ZNF736: variants seen among roughly 807,000 people sequenced by gnomAD.
The protein encoded by ZNF736 is KRAB-containing zinc-finger repressor protein.
A neutral mutation model predicts 11.7 loss-of-function variants in ZNF736; 6 were observed. The observed-to-expected ratio is 0.51, with a 90% CI of 0.28 to 1.01. The LOEUF (loss-of-function observed/expected upper bound fraction) is 1.01. Ranked by LOEUF, ZNF736 falls within the 50% of genes least tolerant of loss-of-function variation. The probability of loss-of-function intolerance (pLI) is 0.09; values close to 1 mark genes in which losing one functional copy is unlikely to be tolerated. For missense variants in ZNF736, 444 were observed against 496.0 expected (o/e 0.90, Z 1.00); for synonymous variants, 139 against 164.7 (o/e 0.84, Z 1.19).
At position 64,348,107 on chromosome 7, in the gene ZNF736, A is replaced by G. The variant is rs1789435557; in HGVS notation, c.244A>G (p.Thr82Ala). Reference sequence around the variant, plus strand: ...TTCTCCAGCTGGTTCTTTTCATTTTACTGCAGAGATATTGCCGGATCATGA... The same window carrying G: ...TTCTCCAGCTGGTTCTTTTCATTTTGCTGCAGAGATATTGCCGGATCATGA... The part of the protein sequence containing the change: ...AKHPAGSFHF[T>A]AEILPDHDIK... The change falls in exon 4 of 4, where the codon ACT (threonine) becomes GCT (alanine). Residue 82 changes from threonine to alanine, a missense_variant. Physicochemically the swap from Thr to Ala is moderately conservative, Grantham distance 58. Coordinates refer to ENST00000423484, the MANE Select transcript of ZNF736 (RefSeq NM_001170905.3). 1 of 1,516,762 alleles carries G rather than the reference A, an allele frequency of 6.6e-7. No homozygotes were observed. Among genetic ancestry groups the G allele is most frequent in the East Asian group, 2.5e-5 (1 of 40,694 alleles). The allele number at this position is 1,516,762 out of a possible 1,614,324, so 94.0% of individuals were successfully genotyped here. A position where few individuals can be genotyped will look rare whatever the true frequency, so the allele number is the denominator to read the frequency against.
At chr7:64,337,208 T>C in intron 3 of ZNF736, 1 of 527,842 alleles carries the variant, frequency 1.9e-6, no homozygotes, top group Non-Finnish European at 3.3e-6. Context: ...GTGTGTTGTG[T>C]GTGTGTTTTG....
At chr7:64,338,476 G>T (rs1789290674) in intron 3 of ZNF736, among the ~76,000 whole-genome samples, 1 of 152,064 alleles carries the variant, frequency 6.6e-6, no homozygotes, top group Non-Finnish European at 1.5e-5. Context: ...CTGAAAATTT[G>T]TACCATTTGA....
rs114956820 is a variant in ZNF736, at chr7:64,349,555, A to G, written c.*408A>G. 1.5e-3 allele frequency: 238 copies of G among 162,968 alleles called. No individual in the cohort carries two copies. The highest frequency in any genetic ancestry group is 5.2e-3 in the African/African-American group (218 of 41,624). 10.1% of individuals were successfully genotyped at this position (162,968 alleles called of 1,614,324 possible). A position where few individuals can be genotyped will look rare whatever the true frequency, so the allele number is the denominator to read the frequency against. ...GTGCTTTAATTTGGGTATTTAGCCC[A>G]TTTACATTTAAGGTTAGTATTCATA... On this transcript the variant is annotated 3_prime_UTR_variant, in exon 4 of 4. Coordinates refer to ENST00000423484, the MANE Select transcript of ZNF736 (RefSeq NM_001170905.3).
chr7:64,333,879 C>T (rs559598097), intron 1 of ZNF736, among the ~76,000 whole-genome samples: 76 of 152,318 alleles, frequency 5.0e-4, no homozygotes, highest in Non-Finnish European at 8.8e-4. Flanking sequence ...CATCACGCTA[C>T]CTGACTTGAA....
chr7:64,330,247 C>G (rs970471532), intron 1 of ZNF736, among the ~76,000 whole-genome samples: 2 of 152,058 alleles, frequency 1.3e-5, no homozygotes, highest in African/African-American at 4.8e-5. Flanking sequence ...AGCTCCGCCT[C>G]CCGGGTTCCC....
intron 1 of ZNF736, among the ~76,000 whole-genome samples, chr7:64,328,909 A>G (rs542586653): frequency 6.7e-6 from 1 of 148,336 alleles, no homozygotes; most frequent in African/African-American, 2.5e-5. Context: ...CTTTTTCTCT[A>G]CCTCCTCTTT....
Position 64,348,073 on chromosome 7 carries a change from T to G in ZNF736, c.227-17T>G. The G allele has an allele frequency of 1.4e-6, 2 of 1,472,580 alleles. No individual in the cohort carries two copies. The highest frequency in any genetic ancestry group is 2.8e-5 in the African/African-American group (2 of 70,214). The allele number at this position is 1,472,580 out of a possible 1,614,324, so 91.2% of individuals were successfully genotyped here. A position where few individuals can be genotyped will look rare whatever the true frequency, so the allele number is the denominator to read the frequency against. On this transcript the variant is annotated splice_polypyrimidine_tract_variant and intron_variant, in intron 3 of 3. Coordinates refer to ENST00000423484, the MANE Select transcript of ZNF736 (RefSeq NM_001170905.3). ...CACCTGAGTCTAATGAGGGAGAATT[T>G]TATTTTTTTTCTCCAGCTGGTTCTT...
At chr7:64,318,902 T>G (rs1211162774) in intron 1 of ZNF736, among the ~76,000 whole-genome samples, 1 of 152,126 alleles carries the variant, frequency 6.6e-6, no homozygotes, top group African/African-American at 2.4e-5. Flanking sequence ...GGGGGCTTCA[T>G]GAGGAAAAAC....
Position 64,314,052 on chromosome 7 carries a change from G to T in ZNF736, c.-99G>T. The T allele has an allele frequency of 6.7e-7, 1 of 1,503,070 alleles. No individual in the cohort carries two copies. 93.1% of individuals were successfully genotyped at this position (1,503,070 alleles called of 1,614,324 possible). ...CCACTGTTCCATCTCCTCCGTTCCT[G>T]GAGTTCCTCGGTGACTCTACTATAG... is the stretch of plus-strand genomic sequence containing the variant. On this transcript the variant is annotated 5_prime_UTR_variant, in exon 1 of 4. Transcript: ENST00000423484.
intron 1 of ZNF736, among the ~76,000 whole-genome samples, chr7:64,328,149 A>G (rs1347432262): frequency 6.6e-6 from 1 of 152,018 alleles, no homozygotes; most frequent in Non-Finnish European, 1.5e-5. Context: ...CTTATTGCTC[A>G]TTAATGTCCT....
In ZNF736 at chr7:64,351,370, C is replaced by T. The variant is rs1789485856; in HGVS notation, c.*2223C>T. On this transcript the variant is annotated 3_prime_UTR_variant, in exon 4 of 4. Coordinates refer to ENST00000423484, the MANE Select transcript of ZNF736 (RefSeq NM_001170905.3). ...GAAATATCAGGAGTTGCCATGGTGT[C>T]ACGGGAAGCTGCAGTATGGGGAAGA... 6.6e-6 allele frequency: 1 copy of T among 152,360 alleles called. No homozygotes were observed. Among genetic ancestry groups the T allele is most frequent in the Non-Finnish European group, 1.5e-5 (1 of 68,198 alleles). 9.4% of individuals were successfully genotyped at this position (152,360 alleles called of 1,614,324 possible). A position where few individuals can be genotyped will look rare whatever the true frequency, so the allele number is the denominator to read the frequency against.
rs1294447783 is a variant in ZNF736 at position 64,348,887 on chromosome 7, A to G, written c.1024A>G (p.Ile342Val). Reference protein sequence around the residue: ...KRIHTGEKPYICEECGKAFTR... With the variant: ...KRIHTGEKPYVCEECGKAFTR... ...AATTCATACTGGAGAGAAACCCTAC[A>G]TCTGTGAAGAATGTGGCAAAGCCTT... The change falls in exon 4 of 4, where the codon ATC becomes GTC. Residue 342 changes from isoleucine to valine, a missense_variant. By Grantham distance (29) the Ile-to-Val change is conservative. Coordinates refer to ENST00000423484, the MANE Select transcript of ZNF736 (RefSeq NM_001170905.3). The G allele has an allele frequency of 6.2e-7, 1 of 1,608,742 alleles. No individual in the cohort carries two copies. Among genetic ancestry groups the G allele is most frequent in the East Asian group, 2.2e-5 (1 of 44,560 alleles).
At position 64,338,344 on chromosome 7, in the gene ZNF736, G is replaced by T. The variant is rs577041001; in HGVS notation, c.226+1362G>T. ...AACAAACACATTTATGACCTTACAA[G>T]TTACCTTTTTTGTAGTGAAAACAAT... On this transcript the variant is annotated intron_variant, in intron 3 of 3. Coordinates refer to ENST00000423484, the MANE Select transcript of ZNF736 (RefSeq NM_001170905.3). 2.6e-5 allele frequency among the ~76,000 whole-genome samples: 4 copies of T among 152,224 alleles called. No homozygotes were observed. In the South Asian group the frequency reaches 8.3e-4, roughly 32 times the overall value.
At chr7:64,338,643 C>T (rs184931990) in intron 3 of ZNF736, among the ~76,000 whole-genome samples, 2 of 152,134 alleles carry the variant, frequency 1.3e-5, no homozygotes, top group Non-Finnish European at 1.5e-5. Context: ...TCATCTAGGT[C>T]CATCCATGTT....
At chr7:64,340,474 A>G (rs1803369344) in intron 3 of ZNF736, among the ~76,000 whole-genome samples, 1 of 152,204 alleles carries the variant, frequency 6.6e-6, no homozygotes, top group Non-Finnish European at 1.5e-5. Context: ...AGGGTTTTCA[A>G]GTTTGCCACC....
At chr7:64,335,440 A>G (rs1282632682) in intron 1 of ZNF736, among the ~76,000 whole-genome samples, 2 of 152,224 alleles carry the variant, frequency 1.3e-5, no homozygotes, top group Non-Finnish European at 2.9e-5. Flanking sequence ...ATAATAGCAC[A>G]GTAGTCTTGT....
intron 1 of ZNF736, among the ~76,000 whole-genome samples, chr7:64,314,937 G>A (rs889387448): frequency 6.6e-6 from 1 of 152,178 alleles, no homozygotes; most frequent in African/African-American, 2.4e-5. Flanking sequence ...CTATTTAAAT[G>A]TAATCCCCCA....
rs367853736 is a variant in ZNF736 at position 64,354,695 on chromosome 7, G to A, written c.*5548G>A. The stretch of plus-strand genomic sequence containing the variant: ...ATGGTGTTCACAAAATAATTTTCAC[G>A]TGAGTAATTTCACAGTGCGTGTATT... On this transcript the variant is annotated 3_prime_UTR_variant, in exon 4 of 4. Coordinates refer to ENST00000423484, the MANE Select transcript of ZNF736 (RefSeq NM_001170905.3). The A allele has an allele frequency of 2.0e-5, 3 of 151,810 alleles. No individual in the cohort carries two copies. The highest frequency in any genetic ancestry group is 4.2e-4 in the South Asian group (2 of 4,816). The allele number at this position is 151,810 out of a possible 1,614,324, so 9.4% of individuals were successfully genotyped here.
At chr7:64,316,977 C>G (rs181681065) in intron 1 of ZNF736, among the ~76,000 whole-genome samples, 1 of 152,130 alleles carries the variant, frequency 6.6e-6, no homozygotes, top group African/African-American at 2.4e-5. Flanking sequence ...AAAATAAATA[C>G]ATTTCTACAA....
Sources: allele counts gnomAD v4.1 joint callset (sites outside exome capture counted in the v4.1 genomes callset), GRCh38; gene constraint gnomAD v4.1.1; transcripts MANE v1.5; gene names NCBI Gene and HGNC (gene_info 2026-07-23, HGNC 2026-07-21).